DOCK4: variants seen among roughly 807,000 people sequenced by gnomAD.
DOCK4 encodes the protein dedicator of cytokinesis 4, also known as dedicator of cytokinesis protein 4.
In DOCK4, 97 loss-of-function variants were observed where a neutral mutation model predicts 268.1. The ratio of observed to expected loss-of-function variants is 0.36; its 90% CI spans 0.31 to 0.43. The LOEUF (loss-of-function observed/expected upper bound fraction) is 0.43. Among genes scored for constraint, DOCK4 ranks in the 20% least tolerant of loss-of-function variants. The pLI, the probability that DOCK4 is intolerant of heterozygous loss-of-function variation, is 1.00. For synonymous variants in DOCK4, 954 were observed against 887.2 expected (o/e 1.08, Z -1.34); for missense variants, 2,145 against 2,455.7 (o/e 0.87, Z 2.67).
intron 42 of DOCK4, among the ~76,000 whole-genome samples, chr7:111,751,441 A>ATT (rs879688074): frequency 2.0e-5 from 3 of 147,686 alleles, no homozygotes; most frequent in African/African-American, 7.4e-5. Context: ...GAGTAAAAAT[A>ATT]TTTTTTTTTT....
chr7:111,766,707 T>C (rs1013019156), intron 38 of DOCK4, among the ~76,000 whole-genome samples: 1 of 152,226 alleles, frequency 6.6e-6, no homozygotes, highest in African/African-American at 2.4e-5. Flanking sequence ...GAATGGTATA[T>C]TGTTACAGAA....
intron 1 of DOCK4, among the ~76,000 whole-genome samples, chr7:112,051,411 T>C (rs924585044): frequency 2.0e-5 from 3 of 152,054 alleles, no homozygotes; most frequent in Admixed American, 2.0e-4. Flanking sequence ...TTATACTTTT[T>C]AGGTGGAAAA....
chr7:112,195,004 C>G (rs113267536), intron 1 of DOCK4, among the ~76,000 whole-genome samples: 1 of 152,112 alleles, frequency 6.6e-6, no homozygotes, highest in Non-Finnish European at 1.5e-5. Context: ...GGAGGCTGGG[C>G]GCAGTGGCTC....
At chr7:111,916,034 C>A in intron 12 of DOCK4, 130 bp from the exon 13 acceptor site, 1 of 955,802 alleles carries the variant, frequency 1.0e-6, no homozygotes, top group Non-Finnish European at 1.5e-6. Context: ...CCGACGAAAT[C>A]GACAGAATCT....
At chr7:111,833,714 T>G (rs1803025162) in intron 26 of DOCK4, among the ~76,000 whole-genome samples, 1 of 152,142 alleles carries the variant, frequency 6.6e-6, no homozygotes. Flanking sequence ...TCATACAATA[T>G]TTTCCAGTTA....
At chr7:112,096,953 G>T (rs559177125) in intron 1 of DOCK4, among the ~76,000 whole-genome samples, 37 of 152,260 alleles carry the variant, frequency 2.4e-4, no homozygotes, top group African/African-American at 8.4e-4. Flanking sequence ...CAGAACTTCT[G>T]TCTCTAGAAA....
intron 44 of DOCK4, among the ~76,000 whole-genome samples, chr7:111,744,397 C>A (rs192864804): frequency 2.6e-5 from 4 of 152,290 alleles, no homozygotes. Flanking sequence ...CACCTCCCCA[C>A]AGAGATGATG....
chr7:111,752,772 C>T (rs913753507), intron 42 of DOCK4, among the ~76,000 whole-genome samples: 4 of 151,486 alleles, frequency 2.6e-5, no homozygotes, highest in Non-Finnish European at 5.9e-5. Flanking sequence ...ATTTTTAGTA[C>T]AGACGGGGTT....
At chr7:111,813,466 T>C (rs1459780410) in intron 27 of DOCK4, among the ~76,000 whole-genome samples, 1 of 152,146 alleles carries the variant, frequency 6.6e-6, no homozygotes, top group Non-Finnish European at 1.5e-5. Flanking sequence ...AAGGGTAAGT[T>C]GATGGTTGAA....
intron 23 of DOCK4, among the ~76,000 whole-genome samples, chr7:111,853,357 G>A (rs755707943): frequency 1.3e-5 from 2 of 152,262 alleles, no homozygotes; most frequent in African/African-American, 2.4e-5. Flanking sequence ...GCCTCAGTAC[G>A]GGGAGATTGT....
chr7:111,960,271 G>A (rs1044161369), intron 8 of DOCK4, among the ~76,000 whole-genome samples: 3 of 151,288 alleles, frequency 2.0e-5, no homozygotes, highest in African/African-American at 7.3e-5. Flanking sequence ...GGCTGAGGCA[G>A]GAGAATCGCT....
intron 1 of DOCK4, among the ~76,000 whole-genome samples, chr7:112,066,670 CATATACATATATACAT>C (rs1490753517): frequency 2.1e-4 from 11 of 51,676 alleles, no homozygotes; most frequent in Non-Finnish European, 3.4e-4. Flanking sequence ...TATACATATA[CATATACATATATACAT>C]ATACATATAT....
intron 34 of DOCK4, 97 bp from the exon 35 acceptor site, chr7:111,783,021 A>AG (rs1441771857): frequency 1.1e-4 from 119 of 1,112,626 alleles, no homozygotes; most frequent in African/African-American, 4.2e-4. Context: ...AAAGAAAGAA[A>AG]AAAAAAAAAA....
At chr7:112,057,860 G>A (rs1448770064) in intron 1 of DOCK4, among the ~76,000 whole-genome samples, 1 of 151,244 alleles carries the variant, frequency 6.6e-6, no homozygotes, top group Admixed American at 6.6e-5. Context: ...TATTTAAAAG[G>A]TTTTATAAAA....
intron 1 of DOCK4, 114 bp downstream of exon 1, chr7:112,205,988 G>A: frequency 8.3e-7 from 1 of 1,209,900 alleles, no homozygotes; most frequent in South Asian, 1.3e-5. Context: ...GCTGCGCGAT[G>A]CCAGGATTAG....
chr7:112,199,118 A>G (rs1384505240), intron 1 of DOCK4, among the ~76,000 whole-genome samples: 2 of 152,232 alleles, frequency 1.3e-5, no homozygotes, highest in Non-Finnish European at 2.9e-5. Flanking sequence ...GTTTCTATGC[A>G]AGACAATTTA....
chr7:112,154,138 A>AT (rs915043123), intron 1 of DOCK4, among the ~76,000 whole-genome samples: 4 of 151,784 alleles, frequency 2.6e-5, no homozygotes, highest in Non-Finnish European at 4.4e-5. Context: ...TGTCCAGCTC[A>AT]TTTTTTTATT....
intron 15 of DOCK4, among the ~76,000 whole-genome samples, chr7:111,898,212 C>T (rs1201929438): frequency 1.3e-5 from 2 of 152,226 alleles, no homozygotes; most frequent in Non-Finnish European, 2.9e-5. Context: ...TTCCTGGTCT[C>T]CTTGCTATTC....
At chr7:111,831,845 A>G (rs76914863) in intron 26 of DOCK4, among the ~76,000 whole-genome samples, 3,095 of 152,176 alleles carry the variant, frequency 0.02, 100 homozygotes, top group African/African-American at 0.067. Context: ...ATGAGATCTT[A>G]TCTCTCCCTT....
Sources: allele counts gnomAD v4.1 joint callset (sites outside exome capture counted in the v4.1 genomes callset), GRCh38; gene constraint gnomAD v4.1.1; transcripts MANE v1.5; gene names NCBI Gene and HGNC (gene_info 2026-07-23, HGNC 2026-07-21).